The following LRP1B variants were observed in gnomAD, a reference collection of about 807,000 sequenced individuals.
LRP1B encodes low-density lipoprotein receptor-related protein 1B.
LRP1B carries 217 observed loss-of-function variants against 556.6 expected under a neutral mutation model. The ratio of observed to expected loss-of-function variants is 0.39; its 90% CI spans 0.35 to 0.44. The LOEUF is 0.44. LRP1B is among the 20% of genes least tolerant of loss of function. The pLI is 1.00. For missense variants in LRP1B, 5,053 were observed against 5,620.8 expected (o/e 0.90, Z 3.23); for synonymous variants, 2,047 against 1,865.8 (o/e 1.10, Z -2.50).
intron 11 of LRP1B, among the ~76,000 whole-genome samples, chr2:141,020,956 G>T (rs757481916): frequency 6.6e-6 from 1 of 151,980 alleles, no homozygotes; most frequent in Non-Finnish European, 1.5e-5. Flanking sequence ...GTGAGTTTCT[G>T]TAGCATCCTG....
chr2:141,225,617 C>G (rs1683217505), intron 6 of LRP1B, among the ~76,000 whole-genome samples: 2 of 152,088 alleles, frequency 1.3e-5, no homozygotes, highest in Non-Finnish European at 2.9e-5. Context: ...AAATTATCCC[C>G]AAAGTCTGCA....
intron 41 of LRP1B, among the ~76,000 whole-genome samples, chr2:140,656,628 G>A (rs903379401): frequency 5.9e-5 from 9 of 151,864 alleles, no homozygotes; most frequent in East Asian, 5.8e-4. Flanking sequence ...GTAATTTTGC[G>A]GACTACTTCT....
chr2:140,755,325 ATG>A (rs935249744), intron 35 of LRP1B, among the ~76,000 whole-genome samples: 1 of 152,050 alleles, frequency 6.6e-6, no homozygotes, highest in African/African-American at 2.4e-5. Context: ...AGGCCAAAAT[ATG>A]TGTTACCCTG....
At position 141,450,583 on chromosome 2, in the gene LRP1B, A is replaced by AT. The variant is rs113374431; in HGVS notation, c.343+29812_343+29813insA. ...ATAAAGATGCCATATTTTAAAAAAA[A>AT]ATATATATATATAATTAGGAAGAAC... On this transcript the variant is annotated intron_variant, in intron 3 of 90. Coordinates refer to ENST00000389484, the MANE Select transcript of LRP1B (RefSeq NM_018557.3). Among the ~76,000 whole-genome samples the AT allele has an allele frequency of 3.2e-3, 476 of 150,586 alleles. 6 individuals carry two copies. Among genetic ancestry groups the AT allele is most frequent in the African/African-American group, 0.01 (418 of 41,242 alleles).
intron 2 of LRP1B, among the ~76,000 whole-genome samples, chr2:141,591,130 A>C (rs1363701925): frequency 6.6e-6 from 1 of 152,174 alleles, no homozygotes; most frequent in Non-Finnish European, 1.5e-5. Flanking sequence ...AACCTGAGGC[A>C]GCTCCAAGAA....
In LRP1B at chr2:141,972,586, G is replaced by A. The variant is rs531553258; in HGVS notation, c.82+158062C>T. On this transcript the variant is annotated intron_variant, in intron 1 of 90. Transcript: ENST00000389484. ...AATCCACAAACATGTGAATGCAGGT[G>A]CAAAAAAAAAAAAAGTGCCTACAAT... is the stretch of plus-strand genomic sequence containing the variant. Among the ~76,000 whole-genome samples the A allele has an allele frequency of 2.2e-3, 182 of 82,120 alleles. 1 individual carries two copies. In the Middle Eastern group the frequency reaches 0.065, roughly 29 times the overall value. 53.9% of individuals were successfully genotyped at this position (82,120 alleles called of 152,430 possible).
At chr2:142,066,948 A>G (rs1705130609) in intron 1 of LRP1B, among the ~76,000 whole-genome samples, 4 of 151,484 alleles carry the variant, frequency 2.6e-5, no homozygotes. Context: ...CTGCAGGGTT[A>G]TGGTCCCTTC....
intron 2 of LRP1B, among the ~76,000 whole-genome samples, chr2:141,714,285 C>T (rs1048647937): frequency 2.0e-5 from 3 of 152,148 alleles, no homozygotes; most frequent in African/African-American, 7.2e-5. Flanking sequence ...TAACAAGCAT[C>T]TGTCAAATGA....
chr2:142,082,716 T>C (rs546103748), intron 1 of LRP1B, among the ~76,000 whole-genome samples: 3 of 152,172 alleles, frequency 2.0e-5, no homozygotes, highest in Non-Finnish European at 4.4e-5. Context: ...AATAGTCAGG[T>C]TGTGAAAAAT....
chr2:141,737,341 A>C (rs1255775101), intron 2 of LRP1B, among the ~76,000 whole-genome samples: 1 of 152,084 alleles, frequency 6.6e-6, no homozygotes, highest in Non-Finnish European at 1.5e-5. Flanking sequence ...AACAGAGCAA[A>C]ACTCTGTCTC....
chr2:141,553,067 C>T (rs1467009659), intron 2 of LRP1B, among the ~76,000 whole-genome samples: 2 of 151,766 alleles, frequency 1.3e-5, no homozygotes, highest in African/African-American at 4.8e-5. Context: ...CTGTCTAGTG[C>T]TAGATTCTAG....
intron 43 of LRP1B, among the ~76,000 whole-genome samples, chr2:140,550,495 A>G (rs900510631): frequency 1.3e-5 from 2 of 152,174 alleles, no homozygotes; most frequent in Non-Finnish European, 2.9e-5. Context: ...CCCATTTTAC[A>G]AAATGACAAG....
chr2:140,984,799 A>G (rs1696869290), intron 17 of LRP1B, among the ~76,000 whole-genome samples: 2 of 152,126 alleles, frequency 1.3e-5, no homozygotes, highest in East Asian at 1.9e-4. Flanking sequence ...TGTTCTAATC[A>G]TGGAGAAAAT....
rs550304378 is a variant in LRP1B, at chr2:140,993,634, T to G, written c.2644+361A>C. 3.3e-5 allele frequency among the ~76,000 whole-genome samples: 5 copies of G among 152,164 alleles called. No homozygotes were observed. The East Asian group carries it at 9.7e-4, about 30-fold the overall frequency. Reference sequence around the variant, plus strand: ...ATCGTGACCTTCTGTACCAATAATTTTGTCTTGAGGGAATTTAAATTGATT... The same window carrying G: ...ATCGTGACCTTCTGTACCAATAATTGTGTCTTGAGGGAATTTAAATTGATT... On this transcript the variant is annotated intron_variant, in intron 16 of 90. Transcript: ENST00000389484.
intron 37 of LRP1B, among the ~76,000 whole-genome samples, chr2:140,707,838 T>C (rs1484117246): frequency 2.0e-5 from 3 of 152,110 alleles, no homozygotes; most frequent in Non-Finnish European, 2.9e-5. Context: ...TTCTGTAATA[T>C]AAAAAGCACT....
intron 2 of LRP1B, among the ~76,000 whole-genome samples, chr2:141,554,402 T>G (rs1360340703): frequency 1.3e-5 from 2 of 150,204 alleles, no homozygotes; most frequent in East Asian, 2.0e-4. Flanking sequence ...ACATTATATA[T>G]CTATAGGAAT....
intron 1 of LRP1B, among the ~76,000 whole-genome samples, chr2:141,839,653 G>C (rs2105758078): frequency 6.6e-6 from 1 of 152,216 alleles, no homozygotes; most frequent in African/African-American, 2.4e-5. Context: ...GCTGAAGGTT[G>C]TATTTCAACT....
At chr2:140,733,817 T>C (rs1342372781) in intron 35 of LRP1B, among the ~76,000 whole-genome samples, 1 of 152,204 alleles carries the variant, frequency 6.6e-6, no homozygotes, top group African/African-American at 2.4e-5. Flanking sequence ...CTGAACACTC[T>C]ACTATGGATA....
intron 2 of LRP1B, among the ~76,000 whole-genome samples, chr2:141,578,692 T>G (rs62166480): frequency 0.022 from 3,347 of 152,312 alleles, 96 homozygotes; most frequent in East Asian, 0.13. Flanking sequence ...TTCAATGCCC[T>G]GTTGACTGAT....
Sources: gnomAD v4.1 joint callset for allele counts (sites outside exome capture counted in the v4.1 genomes callset) on GRCh38, gnomAD v4.1.1 for gene constraint, MANE v1.5 for transcripts, NCBI Gene and HGNC (gene_info 2026-07-23, HGNC 2026-07-21) for gene names.